OR2L3: variants seen among roughly 807,000 people sequenced by gnomAD.
OR2L3 encodes olfactory receptor 2L3.
For synonymous variants in OR2L3, 131 were observed against 139.1 expected, an observed-to-expected ratio of 0.94 and a Z score of 0.41; for missense variants, 369 against 376.6, an observed-to-expected ratio of 0.98 and a Z score of 0.17.
At chr1:248,048,012 T>C (rs1663135529) in intron 1 of OR2L3, among the ~76,000 whole-genome samples, 3 of 152,212 alleles carry the variant, frequency 2.0e-5, no homozygotes, top group Non-Finnish European at 4.4e-5. Context: ...GAATTCGATT[T>C]ATTTTAAATG....
intron 1 of OR2L3, chr1:248,055,890 A>C (rs117876449): frequency 6.7e-6 from 1 of 149,520 alleles, no homozygotes; most frequent in Non-Finnish European, 1.5e-5. Flanking sequence ...GCTGTAATCC[A>C]TCTGAACCTG....
chr1:248,054,230 CTTGT>C (rs941107657), intron 1 of OR2L3, among the ~76,000 whole-genome samples: 7 of 152,224 alleles, frequency 4.6e-5, no homozygotes, highest in African/African-American at 1.7e-4. Context: ...TTCCCCGTTG[CTTGT>C]TTTTTTCCAG....
chr1:248,062,046 A>G lies in OR2L3; in HGVS notation c.*426A>G, dbSNP rs1206420187. 6.2e-6 allele frequency: 1 copy of G among 160,612 alleles called. No homozygotes were observed. Among genetic ancestry groups the G allele is most frequent in the African/African-American group, 2.4e-5 (1 of 41,516 alleles). The allele number at this position is 160,612 out of a possible 1,614,324, so 9.9% of individuals were successfully genotyped here. On this transcript the variant is annotated 3_prime_UTR_variant, in exon 2 of 2. Coordinates refer to ENST00000359959, the MANE Select transcript of OR2L3 (RefSeq NM_001004687.2). ...TCTCTTGACTTGGTGTATCTAGTTG[A>G]AAGCTGTAAGATGTTTTGTCTTTCT...
At chr1:248,047,924 T>C (rs1663131993) in intron 1 of OR2L3, among the ~76,000 whole-genome samples, 1 of 152,130 alleles carries the variant, frequency 6.6e-6, no homozygotes, top group Non-Finnish European at 1.5e-5. Context: ...CATGGATTCT[T>C]CTCCCTGTTG....
In OR2L3 at chr1:248,063,114, T is replaced by C. The variant is rs942173685; in HGVS notation, c.*1494T>C. ...GTTCCATACAAATCTTAAATAATGG[T>C]TTTTACTATTTATGTGCAGAATGTC... On this transcript the variant is annotated 3_prime_UTR_variant, in exon 2 of 2. Transcript: ENST00000359959. The C allele has an allele frequency of 6.6e-6, 1 of 152,212 alleles. No homozygotes were observed. Among genetic ancestry groups the C allele is most frequent in the Admixed American group, 6.5e-5 (1 of 15,280 alleles). The allele number at this position is 152,212 out of a possible 1,614,324, so 9.4% of individuals were successfully genotyped here.
Position 248,061,258 on chromosome 1 carries a change from G to A in OR2L3, c.577G>A (p.Val193Ile), listed in dbSNP as rs750571781. 2 of 1,609,658 alleles carry A rather than the reference G, an allele frequency of 1.2e-6. No individual in the cohort carries two copies. The highest frequency in any genetic ancestry group is 1.7e-6 in the Non-Finnish European group (2 of 1,178,554). The change falls in exon 2 of 2, where the codon GTC becomes ATC. Residue 193 changes from valine to isoleucine, a missense_variant. Coordinates refer to ENST00000359959, the MANE Select transcript of OR2L3 (RefSeq NM_001004687.2). ...GACTCTGGCCTGCATGGACACCTGG[G>A]TCTATGAGGGCACAGTGTTTTTGAG... ...MVTLACMDTW[V>I]YEGTVFLSTT... is the part of the protein sequence containing the mutation.
rs1663236688 is a variant in OR2L3 at position 248,050,689 on chromosome 1, A to G, written c.-22+3809A>G. On this transcript the variant is annotated intron_variant, in intron 1 of 1. Coordinates refer to ENST00000359959, the MANE Select transcript of OR2L3 (RefSeq NM_001004687.2). ...ATAGAGAGTCCTATGTAAAACACAA[A>G]TGATACAAATGTTTGAACTGTTAAT... is the stretch of plus-strand genomic sequence containing the variant. 2.0e-5 allele frequency among the ~76,000 whole-genome samples: 3 copies of G among 152,194 alleles called. No individual in the cohort carries two copies. The South Asian group carries it at 6.2e-4, about 31-fold the overall frequency.
chr1:248,061,187 A>C lies in OR2L3; in HGVS notation c.506A>C (p.Gln169Pro). Residue 169 changes from glutamine to proline, a missense_variant, in exon 2 of 2, where the codon CAA becomes CCA. Gln to Pro is a moderately conservative substitution (Grantham distance 76). Transcript: ENST00000359959. ...TVYVLHIPYC[Q>P]SRAINHFFCD... ...TATGTACTCCATATTCCTTATTGCC[A>C]ATCCAGGGCCATCAATCATTTCTTC... 6.5e-7 allele frequency: 1 copy of C among 1,537,534 alleles called. No individual in the cohort carries two copies.
At chr1:248,056,020 T>C (rs974657365) in intron 1 of OR2L3, 1 of 152,198 alleles carries the variant, frequency 6.6e-6, no homozygotes, top group Non-Finnish European at 1.5e-5. Context: ...TGTCCAGGAA[T>C]TTATCCATTT....
chr1:248,051,557 G>A (rs921582285), intron 1 of OR2L3, among the ~76,000 whole-genome samples: 2 of 152,062 alleles, frequency 1.3e-5, no homozygotes, highest in Non-Finnish European at 2.9e-5. Context: ...CATAAAGATG[G>A]GAACAGTAGA....
Position 248,060,734 on chromosome 1 carries a change from C to T in OR2L3, c.53C>T (p.Pro18Leu). 1 of 1,613,998 alleles carries T rather than the reference C, an allele frequency of 6.2e-7. No homozygotes were observed. Among genetic ancestry groups the T allele is most frequent in the Non-Finnish European group, 8.5e-7 (1 of 1,179,934 alleles). ...STDFILLGFFPPSRIGLFLFI... is the reference protein window; with the variant it reads ...STDFILLGFFLPSRIGLFLFI... Reference sequence around the variant, plus strand: ...GATTTCATCTTATTAGGATTCTTCCCACCATCAAGAATTGGCCTTTTCCTC... The same window carrying T: ...GATTTCATCTTATTAGGATTCTTCCTACCATCAAGAATTGGCCTTTTCCTC... The change falls in exon 2 of 2, where the codon CCA becomes CTA. Residue 18 changes from proline (P) to leucine (L), a missense_variant. Transcript: ENST00000359959.
At chr1:248,053,691 C>T (rs1663346567) in intron 1 of OR2L3, among the ~76,000 whole-genome samples, 2 of 152,178 alleles carry the variant, frequency 1.3e-5, no homozygotes, top group Admixed American at 1.3e-4. Context: ...TTTTGATTTG[C>T]ATTTCTCCAA....
At chr1:248,053,337 C>T (rs1309091798) in intron 1 of OR2L3, among the ~76,000 whole-genome samples, 1 of 152,096 alleles carries the variant, frequency 6.6e-6, no homozygotes, top group Non-Finnish European at 1.5e-5. Context: ...ACCACAGTTT[C>T]TTTATTCAGT....
rs750639207 is a variant in OR2L3 at position 248,060,706 on chromosome 1, A to G, written c.25A>G (p.Thr9Ala). The G allele has an allele frequency of 6.2e-7, 1 of 1,613,358 alleles. No individual in the cohort carries two copies. The highest frequency in any genetic ancestry group is 8.5e-7 in the Non-Finnish European group (1 of 1,179,600). Reference sequence around the variant, plus strand: ...CATGGAAAATTACAATCAAACATCAACTGATTTCATCTTATTAGGATTCTT... The same window carrying G: ...CATGGAAAATTACAATCAAACATCAGCTGATTTCATCTTATTAGGATTCTT... MENYNQTS[T>A]DFILLGFFPP... Residue 9 changes from threonine to alanine, a missense_variant, in exon 2 of 2, where the codon ACT becomes GCT. Coordinates refer to ENST00000359959, the MANE Select transcript of OR2L3 (RefSeq NM_001004687.2).
At chr1:248,059,013 T>C (rs1338803453) in intron 1 of OR2L3, among the ~76,000 whole-genome samples, 1 of 150,692 alleles carries the variant, frequency 6.6e-6, no homozygotes, top group African/African-American at 2.5e-5. Context: ...TAGCAAATGA[T>C]ATTTATTTCA....
chr1:248,060,720 A>G lies in OR2L3; in HGVS notation c.39A>G (p.Leu13=). The part of the protein sequence containing the change: ...NYNQTSTDFI[L]LGFFPPSRIG... ...ATCAAACATCAACTGATTTCATCTT[A>G]TTAGGATTCTTCCCACCATCAAGAA... Residue 13 remains leucine (L), a synonymous_variant, in exon 2 of 2, where the codon TTA becomes TTG. Coordinates refer to ENST00000359959, the MANE Select transcript of OR2L3 (RefSeq NM_001004687.2). The G allele has an allele frequency of 7.4e-6, 12 of 1,614,000 alleles. No homozygotes were observed. Among genetic ancestry groups the G allele is most frequent in the Non-Finnish European group, 9.3e-6 (11 of 1,179,928 alleles).
Position 248,053,881 on chromosome 1 carries a change from C to A in OR2L3, c.-21-6780C>A, listed in dbSNP as rs555273826. On this transcript the variant is annotated intron_variant, in intron 1 of 1. Transcript: ENST00000359959. The stretch of plus-strand genomic sequence containing the variant: ...AGATCTTTGTCAGATGGATAGATTG[C>A]AATAATTTTCTCCCATTCTGTAGGT... Among the ~76,000 whole-genome samples, 49 of 152,174 alleles carry A rather than the reference C, an allele frequency of 3.2e-4. 1 individual carries two copies. The highest frequency in any genetic ancestry group is 1.1e-3 in the African/African-American group (45 of 41,506).
In OR2L3 at chr1:248,060,977, A is replaced by C; in HGVS notation, c.296A>C (p.Gln99Pro). The change falls in exon 2 of 2, where the codon CAG (glutamine) becomes CCG (proline). Residue 99 changes from glutamine to proline, a missense_variant. Transcript: ENST00000359959. ...ATCTCCTTCACTGGGTGTGGGATTC[A>C]GAGTTTCTTCTTCTCGGCATTAGGA... The part of the protein sequence containing the change: ...KSISFTGCGI[Q>P]SFFFSALGGA... 6.2e-7 allele frequency: 1 copy of C among 1,613,968 alleles called. No homozygotes were observed. Among genetic ancestry groups the C allele is most frequent in the South Asian group, 1.1e-5 (1 of 91,080 alleles).
At position 248,054,608 on chromosome 1, in the gene OR2L3, T is replaced by A. The variant is rs376674916; in HGVS notation, c.-21-6053T>A. Among the ~76,000 whole-genome samples, 3 of 152,310 alleles carry A rather than the reference T, an allele frequency of 2.0e-5. No homozygotes were observed. The South Asian group carries it at 6.2e-4, about 32-fold the overall frequency. On this transcript the variant is annotated intron_variant, in intron 1 of 1. Coordinates refer to ENST00000359959, the MANE Select transcript of OR2L3 (RefSeq NM_001004687.2). ...TTTTTCCCTCTGCTTGTGTCCTTTGTGATTTCCTTGAACAATGGTTTGTAG... is the reference window on the plus strand; with the variant it reads ...TTTTTCCCTCTGCTTGTGTCCTTTGAGATTTCCTTGAACAATGGTTTGTAG...
Sources: allele counts gnomAD v4.1 joint callset (sites outside exome capture counted in the v4.1 genomes callset), GRCh38; gene constraint gnomAD v4.1.1; transcripts MANE v1.5; gene names NCBI Gene and HGNC (gene_info 2026-07-23, HGNC 2026-07-21).